ELP4: variants seen among roughly 807,000 people sequenced by gnomAD.
The protein encoded by ELP4 is elongator acetyltransferase complex subunit 4.
Under a neutral mutation model 48.9 loss-of-function variants are expected in ELP4, and 51 were observed. That is an observed-to-expected ratio of 1.04 (90% CI 0.83 to 1.32). The LOEUF is 1.32. Among genes scored for constraint, ELP4 ranks in the 40% most tolerant of loss-of-function variants. ELP4 has a pLI of 0.00. For synonymous variants in ELP4, 210 were observed against 189.2 expected (o/e 1.11, Z -0.90); for missense variants, 519 against 514.6 (o/e 1.01, Z -0.08).
intron 9 of ELP4, among the ~76,000 whole-genome samples, chr11:31,661,181 A>G (rs1945547978): frequency 6.6e-6 from 1 of 152,052 alleles, no homozygotes; most frequent in Admixed American, 6.6e-5. Context: ...CTATCAAAAA[A>G]ATGAAATTTC....
At chr11:31,557,839 T>A (rs1956953877) in intron 3 of ELP4, among the ~76,000 whole-genome samples, 1 of 152,070 alleles carries the variant, frequency 6.6e-6, no homozygotes, top group African/African-American at 2.4e-5. Context: ...TTTGCAAGAT[T>A]TAGTATACTT....
chr11:31,775,959 C>T (rs978890134), intron 9 of ELP4, among the ~76,000 whole-genome samples: 4 of 151,436 alleles, frequency 2.6e-5, no homozygotes, highest in African/African-American at 4.9e-5. Context: ...AGTGAGACTT[C>T]GTCTCAAAAA....
chr11:31,515,027 G>A (rs1173391064), intron 1 of ELP4, among the ~76,000 whole-genome samples: 15 of 137,218 alleles, frequency 1.1e-4, no homozygotes, highest in African/African-American at 4.2e-4. Context: ...GTGTGTGTGT[G>A]TGTGTGTATA....
chr11:31,700,407 G>A (rs1565118315), intron 9 of ELP4, among the ~76,000 whole-genome samples: 1 of 151,902 alleles, frequency 6.6e-6, no homozygotes, highest in Non-Finnish European at 1.5e-5. Context: ...TAATATTTAT[G>A]TAATAATAAT....
At position 31,658,795 on chromosome 11, in the gene ELP4, T is replaced by A. The variant is rs180882875; in HGVS notation, c.1143+8574T>A. On this transcript the variant is annotated intron_variant, in intron 9 of 9. Transcript: ENST00000640961. ...TAATCAAGGTATATACAACTTTTAA[T>A]AAGGGTCTACTGAATTCATTTTTCA... Among the ~76,000 whole-genome samples the A allele has an allele frequency of 2.1e-3, 319 of 152,180 alleles. 1 individual carries two copies. Among genetic ancestry groups the A allele is most frequent in the African/African-American group, 7.2e-3 (301 of 41,568 alleles).
intron 4 of ELP4, among the ~76,000 whole-genome samples, chr11:31,602,244 A>G (rs1479044445): frequency 6.6e-6 from 1 of 152,096 alleles, no homozygotes; most frequent in Non-Finnish European, 1.5e-5. Flanking sequence ...CAATAAAAAC[A>G]TTCTGAACTA....
At chr11:31,523,081 C>T (rs1395276278) in intron 2 of ELP4, among the ~76,000 whole-genome samples, 1 of 151,478 alleles carries the variant, frequency 6.6e-6, no homozygotes, top group Non-Finnish European at 1.5e-5. Context: ...TTATACTGCC[C>T]AGGCTGTTCT....
Position 31,650,237 on chromosome 11 carries a change from T to A in ELP4, c.1143+16T>A. 1.2e-6 allele frequency: 1 copy of A among 835,536 alleles called. No homozygotes were observed. Among genetic ancestry groups the A allele is most frequent in the Admixed American group, 2.2e-5 (1 of 45,686 alleles). The allele number at this position is 835,536 out of a possible 1,614,324, so 51.8% of individuals were successfully genotyped here. A position where few individuals can be genotyped will look rare whatever the true frequency, so the allele number is the denominator to read the frequency against. ...CACCATTGAGGTAAGAGAATTTTTA[T>A]GTTTTAGTTTACAATCTTGAGATAA... On this transcript the variant is annotated intron_variant, in intron 9 of 9. Coordinates refer to ENST00000640961, the MANE Select transcript of ELP4 (RefSeq NM_019040.5).
chr11:31,619,980 G>C (rs1944585075), intron 5 of ELP4, among the ~76,000 whole-genome samples: 1 of 151,948 alleles, frequency 6.6e-6, no homozygotes, highest in African/African-American at 2.4e-5. Context: ...ATGTGTGCTA[G>C]GTGTCCCTTC....
chr11:31,519,992 A>G (rs1457690300), intron 1 of ELP4, 64 bp from the exon 2 acceptor site: 27 of 1,535,754 alleles, frequency 1.8e-5, no homozygotes, highest in Non-Finnish European at 2.4e-5. Context: ...ATAAAGCCTA[A>G]CTTTTATGCT....
intron 9 of ELP4, among the ~76,000 whole-genome samples, chr11:31,774,173 A>C (rs1282256637): frequency 6.6e-6 from 1 of 152,196 alleles, no homozygotes; most frequent in East Asian, 1.9e-4. Flanking sequence ...AGACTGTCTC[A>C]AAATAAATTT....
chr11:31,697,930 G>A (rs576447534), intron 9 of ELP4, among the ~76,000 whole-genome samples: 2 of 151,048 alleles, frequency 1.3e-5, no homozygotes, highest in South Asian at 2.1e-4. Context: ...AACTTTAGTA[G>A]TGCTTCTACT....
intron 7 of ELP4, 111 bp downstream of exon 7, chr11:31,632,516 G>T (rs1160128925): frequency 1.2e-6 from 1 of 816,250 alleles, no homozygotes; most frequent in East Asian, 2.8e-5. Context: ...CTTTTCAGGT[G>T]CTTTCTGGCC....
At chr11:31,677,003 A>G (rs1483949646) in intron 9 of ELP4, among the ~76,000 whole-genome samples, 1 of 152,220 alleles carries the variant, frequency 6.6e-6, no homozygotes. Flanking sequence ...AAAGGGTATA[A>G]TTTCTGACCA....
rs1269720615 is a variant in ELP4, at chr11:31,784,934, C to T, written c.*1410C>T. On this transcript the variant is annotated 3_prime_UTR_variant, in exon 10 of 10. Coordinates refer to ENST00000640961, the MANE Select transcript of ELP4 (RefSeq NM_019040.5). ...TCAAAAAGACAACTATTTTGTCACC[C>T]GCTATTTCATTAGTACTAAAAATCA... The T allele has an allele frequency of 1.1e-5, 2 of 180,140 alleles. No individual in the cohort carries two copies. Among genetic ancestry groups the T allele is most frequent in the Admixed American group, 6.3e-5 (1 of 15,872 alleles). 11.2% of individuals were successfully genotyped at this position (180,140 alleles called of 1,614,324 possible). A position where few individuals can be genotyped will look rare whatever the true frequency, so the allele number is the denominator to read the frequency against.
At chr11:31,618,575 G>A (rs1159429140) in intron 5 of ELP4, among the ~76,000 whole-genome samples, 1 of 151,940 alleles carries the variant, frequency 6.6e-6, no homozygotes, top group African/African-American at 2.4e-5. Context: ...GGTAACAATG[G>A]CAACTAAATT....
chr11:31,745,272 T>C (rs1234195423), intron 9 of ELP4, among the ~76,000 whole-genome samples: 2 of 152,188 alleles, frequency 1.3e-5, no homozygotes, highest in African/African-American at 4.8e-5. Flanking sequence ...CATTCCATGC[T>C]CATGGGTAGG....
intron 4 of ELP4, among the ~76,000 whole-genome samples, chr11:31,603,266 G>A (rs558552826): frequency 3.3e-5 from 5 of 151,750 alleles, no homozygotes; most frequent in African/African-American, 7.2e-5. Flanking sequence ...TAATATACAC[G>A]TATATTGTCT....
At chr11:31,694,785 T>C (rs777734292) in intron 9 of ELP4, among the ~76,000 whole-genome samples, 2 of 152,190 alleles carry the variant, frequency 1.3e-5, no homozygotes, top group African/African-American at 4.8e-5. Context: ...ATTCTTCCTA[T>C]CCATGAGCAT....
Sources: gnomAD v4.1 joint callset for allele counts (sites outside exome capture counted in the v4.1 genomes callset) on GRCh38, gnomAD v4.1.1 for gene constraint, MANE v1.5 for transcripts, NCBI Gene and HGNC (gene_info 2026-07-23, HGNC 2026-07-21) for gene names.